Variants in AEBP1 observed in about 807,000 individuals in gnomAD.
The protein encoded by AEBP1 is AE binding protein 1, also known as adipocyte enhancer-binding protein 1.
AEBP1 carries 69 observed loss-of-function variants against 116.5 expected under a neutral mutation model. That is an observed-to-expected ratio of 0.59 (90% confidence interval 0.49 to 0.72). The LOEUF is 0.72. Ranked by LOEUF, AEBP1 falls within the 30% of genes least tolerant of loss-of-function variation. AEBP1 has a pLI of 0.00. For synonymous variants in AEBP1, 627 were observed against 627.3 expected (o/e 1.00, Z 0.01); for missense variants, 1,444 against 1,557.5 (o/e 0.93, Z 1.23).
chr7:44,113,038 T>G lies in AEBP1; in HGVS notation c.2617T>G (p.Phe873Val), dbSNP rs761564065. The change falls in exon 19 of 21, where the codon TTC becomes GTC. Residue 873 changes from phenylalanine (F) to valine (V), a missense_variant. Coordinates refer to ENST00000223357, the MANE Select transcript of AEBP1 (RefSeq NM_001129.5). This position sits in a 1 kb window ranked among gnomAD's most constrained non-coding sequence, Gnocchi z 5.3. Reference protein sequence around the residue: ...YLHTNCLELSFYLGCDKFPHE... With the variant: ...YLHTNCLELSVYLGCDKFPHE... ...GCATACCAACTGCCTGGAGCTCTCCTTCTACCTGGGCTGTGACAAGTTCCC... is the reference window on the plus strand; with the variant it reads ...GCATACCAACTGCCTGGAGCTCTCCGTCTACCTGGGCTGTGACAAGTTCCC... The G allele has an allele frequency of 6.2e-7, 1 of 1,614,096 alleles. No individual in the cohort carries two copies. Among genetic ancestry groups the G allele is most frequent in the South Asian group, 1.1e-5 (1 of 91,088 alleles).
Position 44,112,751 on chromosome 7 carries a change from A to G in AEBP1, c.2411A>G (p.Gln804Arg). The stretch of plus-strand genomic sequence containing the variant: ...GATGAGGACGAGGTCTCCGAGGCCC[A>G]GGAGACTCCAGACCACGCCATCTTC... ...GEDEDEVSEA[Q>R]ETPDHAIFRW... is the part of the protein sequence containing the mutation. Residue 804 changes from glutamine to arginine, a missense_variant, in exon 18 of 21, where the codon CAG (glutamine) becomes CGG (arginine). Gln to Arg is a conservative substitution (Grantham distance 43, BLOSUM62 1). Transcript: ENST00000223357. This position sits in a 1 kb window ranked among gnomAD's most constrained non-coding sequence, Gnocchi z 6.6. 6.2e-7 allele frequency: 1 copy of G among 1,613,110 alleles called. No individual in the cohort carries two copies.
chr7:44,114,409 G>A lies in AEBP1; in HGVS notation c.*148G>A. ...GAAGGGCTGGTCCTGCCCCTTTGAGGGGGTGCAAACATGACTGGGACCTAA... is the reference window on the plus strand; with the variant it reads ...GAAGGGCTGGTCCTGCCCCTTTGAGAGGGTGCAAACATGACTGGGACCTAA... On this transcript the variant is annotated 3_prime_UTR_variant, in exon 21 of 21. Coordinates refer to ENST00000223357, the MANE Select transcript of AEBP1 (RefSeq NM_001129.5). 4.4e-6 allele frequency: 4 copies of A among 908,594 alleles called. No homozygotes were observed. Among genetic ancestry groups the A allele is most frequent in the East Asian group, 5.2e-5 (2 of 38,104 alleles). The allele number at this position is 908,594 out of a possible 1,614,324, so 56.3% of individuals were successfully genotyped here. A position where few individuals can be genotyped will look rare whatever the true frequency, so the allele number is the denominator to read the frequency against.
rs2128808962 is a variant in AEBP1, at chr7:44,111,498, C to T, written c.1717-9C>T. On this transcript the variant is annotated splice_polypyrimidine_tract_variant and intron_variant, in intron 14 of 20. Coordinates refer to ENST00000223357, the MANE Select transcript of AEBP1 (RefSeq NM_001129.5). This position sits in a 1 kb window ranked among gnomAD's most constrained non-coding sequence, Gnocchi z 4.7. The stretch of plus-strand genomic sequence containing the variant: ...ATGATTGATTCCACGTCCTCCCCCT[C>T]TGCCCCAGCTCATGAAGGTGGTGAA... 3 of 1,574,192 alleles carry T rather than the reference C, an allele frequency of 1.9e-6. No homozygotes were observed. The African/African-American group carries it at 4.1e-5, about 21-fold the overall frequency.
In AEBP1 at chr7:44,114,511, G is replaced by T; in HGVS notation, c.*250G>T. ...ATGGGGTTGCTGCAGTGTTGGAGTA[G>T]GGGCAGAGGGAGGGAGCCAAGGTCA... On this transcript the variant is annotated 3_prime_UTR_variant, in exon 21 of 21. Coordinates refer to ENST00000223357, the MANE Select transcript of AEBP1 (RefSeq NM_001129.5). 1 of 621,742 alleles carries T rather than the reference G, an allele frequency of 1.6e-6. No individual in the cohort carries two copies. The highest frequency in any genetic ancestry group is 2.8e-6 in the Non-Finnish European group (1 of 358,512). The allele number at this position is 621,742 out of a possible 1,614,324, so 38.5% of individuals were successfully genotyped here. A position where few individuals can be genotyped will look rare whatever the true frequency, so the allele number is the denominator to read the frequency against.
chr7:44,105,101 G>A (rs2096221613), intron 1 of AEBP1, among the ~76,000 whole-genome samples, 183 bp downstream of exon 1: 1 of 152,268 alleles, frequency 6.6e-6, no homozygotes, highest in African/African-American at 2.4e-5. Context: ...CTGGCGTGGA[G>A]GCACATCCAG....
In AEBP1 at chr7:44,109,358, A is replaced by C. The variant is rs765216201; in HGVS notation, c.1150+17A>C. 152 of 552,114 alleles carry C rather than the reference A, an allele frequency of 2.8e-4. No individual in the cohort carries two copies. The highest frequency in any genetic ancestry group is 3.6e-4 in the Non-Finnish European group (136 of 380,464). The allele number at this position is 552,114 out of a possible 1,614,324, so 34.2% of individuals were successfully genotyped here. ...AGAAAGTCAGTAAGTGGGGGGCACA[A>C]GGGGGTGAGGGTGGGGGCCACAGGA... is the stretch of plus-strand genomic sequence containing the variant. On this transcript the variant is annotated intron_variant, in intron 9 of 20. Transcript: ENST00000223357.
In AEBP1 at chr7:44,113,795, A is replaced by G; in HGVS notation, c.3011A>G (p.His1004Arg). Residue 1004 changes from histidine (H) to arginine (R), a missense_variant, in exon 21 of 21, where the codon CAC becomes CGC. Transcript: ENST00000223357. This position sits in a 1 kb window ranked among gnomAD's most constrained non-coding sequence, Gnocchi z 5.3. Reference protein sequence around the residue: ...MAMNGNRPIPHIDPSRPMTPQ... With the variant: ...MAMNGNRPIPRIDPSRPMTPQ... ...ATGAACGGGAACCGGCCTATCCCAC[A>G]CATAGACCCATCGCGCCCTATGACC... 2 of 1,614,092 alleles carry G rather than the reference A, an allele frequency of 1.2e-6. No homozygotes were observed. The highest frequency in any genetic ancestry group is 1.1e-5 in the South Asian group (1 of 91,088).
rs1166775938 is a variant in AEBP1, at chr7:44,110,819, A to G, written c.1485+10A>G. The G allele has an allele frequency of 6.3e-7, 1 of 1,582,356 alleles. No individual in the cohort carries two copies. Among genetic ancestry groups the G allele is most frequent in the African/African-American group, 1.3e-5 (1 of 74,108 alleles). ...CGGCTATGAGGAAATGGTGGGCACC[A>G]TGCCCAGGCTCTTGGCTCTGCTCCC... On this transcript the variant is annotated intron_variant, in intron 12 of 20. Coordinates refer to ENST00000223357, the MANE Select transcript of AEBP1 (RefSeq NM_001129.5).
rs758274269 is a variant in AEBP1, at chr7:44,110,315, G to A, written c.1369G>A (p.Val457Ile). The A allele has an allele frequency of 6.0e-5, 97 of 1,613,584 alleles. No homozygotes were observed. The highest frequency in any genetic ancestry group is 1.6e-4 in the Middle Eastern group (1 of 6,084). The part of the protein sequence containing the change: ...DTRRTTRFTG[V>I]ITQGRDSSIH... ...CAGGAGGACTACCCGGTTCACAGGC[G>A]TCATCACCCAGGGCAGAGACTCCAG... Residue 457 changes from valine (V) to isoleucine (I), a missense_variant, in exon 11 of 21, where the codon GTC becomes ATC. Transcript: ENST00000223357.
In AEBP1 at chr7:44,107,774, C is replaced by A. The variant is rs1244769458; in HGVS notation, c.740-35C>A. On this transcript the variant is annotated intron_variant, in intron 4 of 20. Coordinates refer to ENST00000223357, the MANE Select transcript of AEBP1 (RefSeq NM_001129.5). This position sits in a 1 kb window ranked among gnomAD's most constrained non-coding sequence, Gnocchi z 4.3. ...GGATGTGCCAATGGGCCCATCCCAG[C>A]CTTGGGCCCCACTCTGAGCCAGCCT... 4 of 1,612,644 alleles carry A rather than the reference C, an allele frequency of 2.5e-6. No homozygotes were observed. Among genetic ancestry groups the A allele is most frequent in the Non-Finnish European group, 3.4e-6 (4 of 1,179,634 alleles).
chr7:44,104,659 C>T lies in AEBP1; in HGVS notation c.-7C>T. The T allele has an allele frequency of 6.8e-7, 1 of 1,467,562 alleles. No homozygotes were observed. The highest frequency in any genetic ancestry group is 9.0e-7 in the Non-Finnish European group (1 of 1,115,848). 90.9% of individuals were successfully genotyped at this position (1,467,562 alleles called of 1,614,324 possible). A position where few individuals can be genotyped will look rare whatever the true frequency, so the allele number is the denominator to read the frequency against. ...CCTCCCCGGAGCCCCCCGCGCGTGC[C>T]GCGGCCATGGCGGCCGTGCGCGGGG... On this transcript the variant is annotated 5_prime_UTR_variant, in exon 1 of 21. Coordinates refer to ENST00000223357, the MANE Select transcript of AEBP1 (RefSeq NM_001129.5).
rs567600192 is a variant in AEBP1, at chr7:44,108,525, G to A, written c.941-374G>A. 6.2e-4 allele frequency among the ~76,000 whole-genome samples: 95 copies of A among 152,158 alleles called. No individual in the cohort carries two copies. The highest frequency in any genetic ancestry group is 2.2e-3 in the African/African-American group (93 of 41,510). On this transcript the variant is annotated intron_variant, in intron 6 of 20. Coordinates refer to ENST00000223357, the MANE Select transcript of AEBP1 (RefSeq NM_001129.5). The surrounding 1 kb of genome is among the most constrained non-coding windows in gnomAD (Gnocchi z 5.0). ...CCTTTCCTCCTGGGTGGCAGCCCGT[G>A]CATCGCCATTTCCCTGCCCCCAGGT...
chr7:44,109,764 C>G lies in AEBP1; in HGVS notation c.1151-251C>G, dbSNP rs188538661. Reference sequence around the variant, plus strand: ...CCCTGAGAGCTGGGCATGGTCAGCCCGTTCTCCAGATGGGGCAGCTGAGGC... The same window carrying G: ...CCCTGAGAGCTGGGCATGGTCAGCCGGTTCTCCAGATGGGGCAGCTGAGGC... On this transcript the variant is annotated intron_variant, in intron 9 of 20. Transcript: ENST00000223357. The G allele has an allele frequency of 3.1e-5, 18 of 581,544 alleles. No individual in the cohort carries two copies. The East Asian group carries it at 5.2e-4, about 17-fold the overall frequency. 36.0% of individuals were successfully genotyped at this position (581,544 alleles called of 1,614,324 possible).
rs1583552782 is a variant in AEBP1, at chr7:44,110,314, C to T, written c.1368C>T (p.Gly456=). The change falls in exon 11 of 21, where the codon GGC becomes GGT. Residue 456 remains glycine, a synonymous_variant. Transcript: ENST00000223357. ...VDTRRTTRFT[G]VITQGRDSSI... is the part of the protein sequence containing the mutation. ...CCAGGAGGACTACCCGGTTCACAGG[C>T]GTCATCACCCAGGGCAGAGACTCCA... 4 of 1,613,712 alleles carry T rather than the reference C, an allele frequency of 2.5e-6. No homozygotes were observed. Among genetic ancestry groups the T allele is most frequent in the African/African-American group, 1.3e-5 (1 of 75,046 alleles).
rs767826459 is a variant in AEBP1 at position 44,114,294 on chromosome 7, C to G, written c.*33C>G. 9.3e-6 allele frequency: 15 copies of G among 1,607,352 alleles called. No individual in the cohort carries two copies. The Admixed American group carries it at 2.2e-4, about 23-fold the overall frequency. On this transcript the variant is annotated 3_prime_UTR_variant, in exon 21 of 21. Coordinates refer to ENST00000223357, the MANE Select transcript of AEBP1 (RefSeq NM_001129.5). ...GTCCTACCAAGACCCCAGCCCAACT[C>G]AAGCTACAGCAGCAGCACTTCCCAA...
In AEBP1 at chr7:44,106,846, C is replaced by T. The variant is rs2096223424; in HGVS notation, c.554C>T (p.Pro185Leu). The stretch of plus-strand genomic sequence containing the variant: ...GAAACCCTGGAGTGGCCACTGCCCC[C>T]ACCCCCCAGCCCTGGCCCCGAGGAG... Reference protein sequence around the residue: ...PSETLEWPLPPPPSPGPEELP... With the variant: ...PSETLEWPLPLPPSPGPEELP... The change falls in exon 2 of 21, where the codon CCA becomes CTA. Residue 185 changes from proline to leucine, a missense_variant. Transcript: ENST00000223357. 1 of 1,603,148 alleles carries T rather than the reference C, an allele frequency of 6.2e-7. No homozygotes were observed. Among genetic ancestry groups the T allele is most frequent in the Non-Finnish European group, 8.5e-7 (1 of 1,175,776 alleles).
rs1583554813 is a variant in AEBP1 at position 44,112,314 on chromosome 7, A to T, written c.2210A>T (p.Asp737Val). The change falls in exon 17 of 21, where the codon GAT becomes GTT. Residue 737 changes from aspartate to valine, a missense_variant. Coordinates refer to ENST00000223357, the MANE Select transcript of AEBP1 (RefSeq NM_001129.5). This position sits in a 1 kb window ranked among gnomAD's most constrained non-coding sequence, Gnocchi z 6.6. ...ATCCCTGAACGCTACCTTTCGCCAG[A>T]TGCCACGGTGAGGCTACAGCCTGGC... is the stretch of plus-strand genomic sequence containing the variant. ...LPIPERYLSP[D>V]ATVSTEVRAI... 1 of 1,548,312 alleles carries T rather than the reference A, an allele frequency of 6.5e-7. No homozygotes were observed. Among genetic ancestry groups the T allele is most frequent in the African/African-American group, 1.4e-5 (1 of 72,814 alleles).
In AEBP1 at chr7:44,112,424, C is replaced by T; in HGVS notation, c.2217+103C>T. 1 of 1,404,984 alleles carries T rather than the reference C, an allele frequency of 7.1e-7. No individual in the cohort carries two copies. Among genetic ancestry groups the T allele is most frequent in the Non-Finnish European group, 9.6e-7 (1 of 1,044,096 alleles). The allele number at this position is 1,404,984 out of a possible 1,614,324, so 87.0% of individuals were successfully genotyped here. A position where few individuals can be genotyped will look rare whatever the true frequency, so the allele number is the denominator to read the frequency against. ...GGGCTGACGGTGCCTGAACTCCAGACGCTGAGGCTCTGGGGGTTGGGGGAC... is the reference window on the plus strand; with the variant it reads ...GGGCTGACGGTGCCTGAACTCCAGATGCTGAGGCTCTGGGGGTTGGGGGAC... On this transcript the variant is annotated intron_variant, in intron 17 of 20. Coordinates refer to ENST00000223357, the MANE Select transcript of AEBP1 (RefSeq NM_001129.5). The surrounding 1 kb of genome is among the most constrained non-coding windows in gnomAD (Gnocchi z 6.6).
At position 44,114,360 on chromosome 7, in the gene AEBP1, G is replaced by A; in HGVS notation, c.*99G>A. The A allele has an allele frequency of 1.5e-6, 2 of 1,359,844 alleles. No individual in the cohort carries two copies. Among genetic ancestry groups the A allele is most frequent in the Non-Finnish European group, 2.1e-6 (2 of 973,392 alleles). 84.2% of individuals were successfully genotyped at this position (1,359,844 alleles called of 1,614,324 possible). ...TCACATCACCCATCAGCACATGGAA[G>A]GCCCCTGGTATGGACACTGAAAGGA... On this transcript the variant is annotated 3_prime_UTR_variant, in exon 21 of 21. Transcript: ENST00000223357.
Sources: allele counts gnomAD v4.1 joint callset (sites outside exome capture counted in the v4.1 genomes callset), GRCh38; gene constraint gnomAD v4.1.1; non-coding constraint Gnocchi (gnomAD v3.1); transcripts MANE v1.5; gene names NCBI Gene and HGNC (gene_info 2026-07-23, HGNC 2026-07-21).